Variants in ANXA4 observed in about 807,000 individuals in gnomAD.
The protein encoded by ANXA4 is annexin A4, also known as 35-beta calcimedin.
A neutral mutation model predicts 49.8 loss-of-function variants in ANXA4; 39 were observed. The observed-to-expected ratio is 0.78, with a 90% confidence interval of 0.61 to 1.02. The LOEUF is 1.02. ANXA4 is among the 50% of genes least tolerant of loss of function. The probability of loss-of-function intolerance (pLI) is 0.00; values close to 1 mark genes in which losing one functional copy is unlikely to be tolerated. For synonymous variants in ANXA4, 134 were observed against 152.5 expected, an observed-to-expected ratio of 0.88 and a Z score of 0.89; for missense variants, 360 against 410.1, an observed-to-expected ratio of 0.88 and a Z score of 1.05.
intron 3 of ANXA4, among the ~76,000 whole-genome samples, chr2:69,790,583 T>A (rs939995114): frequency 6.6e-6 from 1 of 152,072 alleles, no homozygotes; most frequent in African/African-American, 2.4e-5. Context: ...TTCAGATGGG[T>A]TGTGCTGCTG....
intron 2 of ANXA4, among the ~76,000 whole-genome samples, chr2:69,717,844 C>A (rs1043716517): frequency 6.6e-6 from 1 of 152,142 alleles, no homozygotes; most frequent in Non-Finnish European, 1.5e-5. Context: ...GGCTTTCTAC[C>A]AGATGACAGG....
intron 12 of ANXA4, among the ~76,000 whole-genome samples, chr2:69,825,193 T>C (rs911091603): frequency 2.6e-5 from 4 of 151,096 alleles, no homozygotes; most frequent in Non-Finnish European, 4.4e-5. Context: ...TCTAGATACA[T>C]AGAAAAAAGA....
chr2:69,800,115 T>C lies in ANXA4; in HGVS notation c.98-4418T>C, dbSNP rs1298462178. 7.9e-5 allele frequency among the ~76,000 whole-genome samples: 12 copies of C among 152,232 alleles called. 1 individual carries two copies. On this transcript the variant is annotated intron_variant, in intron 3 of 12. Coordinates refer to ENST00000394295, the MANE Select transcript of ANXA4 (RefSeq NM_001153.5). ...TAATTCCTAGAACACTTTCCTTTCA[T>C]CTTTGCATGATCAGCTGCCTCAAGT...
intron 3 of ANXA4, among the ~76,000 whole-genome samples, chr2:69,799,118 A>G (rs1673077666): frequency 1.3e-5 from 2 of 152,196 alleles, no homozygotes; most frequent in Admixed American, 6.5e-5. Flanking sequence ...TGTGCTATCT[A>G]TATAGAGCAG....
At chr2:69,672,419 A>G (rs931709679) in intron 2 of ANXA4, among the ~76,000 whole-genome samples, 3 of 151,996 alleles carry the variant, frequency 2.0e-5, no homozygotes, top group East Asian at 1.9e-4. Context: ...TTTAGTAGAG[A>G]TGGGGTTTTG....
chr2:69,655,150 T>G (rs568553574), intron 2 of ANXA4, among the ~76,000 whole-genome samples: 1 of 152,076 alleles, frequency 6.6e-6, no homozygotes, highest in Non-Finnish European at 1.5e-5. Context: ...CCAAAAGCAA[T>G]GGCAACAAAA....
intron 2 of ANXA4, among the ~76,000 whole-genome samples, chr2:69,787,757 T>G (rs1672476776): frequency 6.6e-6 from 1 of 152,208 alleles, no homozygotes; most frequent in Non-Finnish European, 1.5e-5. Context: ...GCTCTTAACC[T>G]CAATGTCACT....
chr2:69,823,559 C>T (rs560644838), intron 12 of ANXA4, among the ~76,000 whole-genome samples: 28 of 151,896 alleles, frequency 1.8e-4, no homozygotes, highest in African/African-American at 5.3e-4. Context: ...AGAAAGAAAG[C>T]GGAGATTATG....
intron 1 of ANXA4, among the ~76,000 whole-genome samples, chr2:69,768,328 C>T (rs80095152): frequency 0.017 from 2,589 of 152,302 alleles, 77 homozygotes; most frequent in African/African-American, 0.06. Flanking sequence ...GCCAGCTCTC[C>T]TGATGGTTAC....
At chr2:69,648,300 C>G (rs567778442) in intron 1 of ANXA4, among the ~76,000 whole-genome samples, 99 of 152,326 alleles carry the variant, frequency 6.5e-4, no homozygotes, top group African/African-American at 2.4e-3. Context: ...TCAAAACCCA[C>G]ATCATTTTCA....
intron 8 of ANXA4, chr2:69,815,043 C>T (rs1167728463): frequency 6.6e-6 from 1 of 152,268 alleles, no homozygotes; most frequent in East Asian, 1.9e-4. Flanking sequence ...GAGTCCCTCT[C>T]ACTCTTGGGA....
intron 1 of ANXA4, among the ~76,000 whole-genome samples, chr2:69,756,875 T>C (rs1671055697): frequency 1.3e-5 from 2 of 151,328 alleles, no homozygotes; most frequent in African/African-American, 4.8e-5. Flanking sequence ...AGAATACAAG[T>C]TTTAAAAAAA....
chr2:69,670,440 A>C (rs1172372866), intron 2 of ANXA4, among the ~76,000 whole-genome samples: 59 of 132,852 alleles, frequency 4.4e-4, no homozygotes, highest in African/African-American at 1.7e-3. Flanking sequence ...CTCAATCTCA[A>C]AAAAAAAAAA....
intron 2 of ANXA4, among the ~76,000 whole-genome samples, chr2:69,690,557 A>T (rs891772061): frequency 2.0e-5 from 3 of 152,074 alleles, no homozygotes; most frequent in African/African-American, 7.2e-5. Flanking sequence ...TCATCTACTT[A>T]GTGGCTCCAC....
chr2:69,731,630 C>T (rs1248422129), intron 3 of ANXA4, among the ~76,000 whole-genome samples: 2 of 151,390 alleles, frequency 1.3e-5, no homozygotes, highest in African/African-American at 4.9e-5. Flanking sequence ...CAGAAGGGCA[C>T]AACCTCAAAA....
chr2:69,757,624 G>A (rs567497955), intron 1 of ANXA4, among the ~76,000 whole-genome samples: 3 of 151,596 alleles, frequency 2.0e-5, no homozygotes, highest in South Asian at 2.1e-4. Context: ...TTCTTGTTGC[G>A]TGGTGCATAC....
chr2:69,749,625 C>A (rs1670755431), intron 1 of ANXA4, among the ~76,000 whole-genome samples: 1 of 152,064 alleles, frequency 6.6e-6, no homozygotes, highest in Non-Finnish European at 1.5e-5. Context: ...GTGTGGTATG[C>A]TACCATTTTG....
intron 1 of ANXA4, chr2:69,781,240 TTAACC>T: frequency 2.2e-6 from 1 of 457,466 alleles, no homozygotes; most frequent in Non-Finnish European, 4.0e-6. Context: ...GTATTGGTAC[TTAACC>T]TAACAAAACA....
At chr2:69,792,095 C>G (rs1376267654) in intron 3 of ANXA4, among the ~76,000 whole-genome samples, 1 of 152,156 alleles carries the variant, frequency 6.6e-6, no homozygotes, top group Non-Finnish European at 1.5e-5. Flanking sequence ...CAGGGGTCCT[C>G]TGCAGCACCC....
Sources: gnomAD v4.1 joint callset for allele counts (sites outside exome capture counted in the v4.1 genomes callset) on GRCh38, gnomAD v4.1.1 for gene constraint, MANE v1.5 for transcripts, NCBI Gene and HGNC (gene_info 2026-07-23, HGNC 2026-07-21) for gene names.